The following SLC36A4 variants were observed in gnomAD, a reference collection of about 807,000 sequenced individuals.
The protein encoded by SLC36A4 is solute carrier family 36 member 4.
SLC36A4 carries 49 observed loss-of-function variants against 50.5 expected under a neutral mutation model. The ratio of observed to expected loss-of-function variants is 0.97; its 90% CI spans 0.77 to 1.23. The LOEUF (loss-of-function observed/expected upper bound fraction) is 1.23, where lower values mean the gene tolerates loss of function less well. Ranked by LOEUF, SLC36A4 falls within the 50% of genes most tolerant of loss-of-function variation. The pLI is 0.00. For missense variants in SLC36A4, 611 were observed against 608.4 expected, an observed-to-expected ratio of 1.00 and a Z score of -0.05; for synonymous variants, 207 against 206.5, an observed-to-expected ratio of 1.00 and a Z score of -0.02.
At chr11:93,165,397 T>A (rs1408046215) in intron 8 of SLC36A4, among the ~76,000 whole-genome samples, 1 of 152,136 alleles carries the variant, frequency 6.6e-6, no homozygotes, top group African/African-American at 2.4e-5. Context: ...ACACTGTTTC[T>A]CAAAACAAAC....
At chr11:93,186,707 T>G (rs968026919) in intron 1 of SLC36A4, among the ~76,000 whole-genome samples, 8 of 152,208 alleles carry the variant, frequency 5.3e-5, no homozygotes, top group Non-Finnish European at 1.2e-4. Context: ...CTTCAAATTA[T>G]GTCTCTACTC....
intron 6 of SLC36A4, among the ~76,000 whole-genome samples, chr11:93,173,881 G>A (rs1462387808): frequency 7.2e-6 from 1 of 139,070 alleles, no homozygotes; most frequent in Non-Finnish European, 1.5e-5. Context: ...CAGGTAGTGT[G>A]ATGCCTCCAG....
intron 1 of SLC36A4, among the ~76,000 whole-genome samples, chr11:93,188,906 C>CTCTGTT (rs1862098578): frequency 6.6e-6 from 1 of 152,092 alleles, no homozygotes; most frequent in South Asian, 2.1e-4. Context: ...GGAGGGAAAG[C>CTCTGTT]TCTGTTCCAG....
chr11:93,197,884 T>C lies in SLC36A4; in HGVS notation c.-52A>G, dbSNP rs749682086. 7.3e-6 allele frequency: 11 copies of C among 1,498,554 alleles called. No homozygotes were observed. Among genetic ancestry groups the C allele is most frequent in the South Asian group, 1.3e-5 (1 of 79,530 alleles). The allele number at this position is 1,498,554 out of a possible 1,614,324, so 92.8% of individuals were successfully genotyped here. On this transcript the variant is annotated 5_prime_UTR_variant, in exon 1 of 11. Coordinates refer to ENST00000326402, the MANE Select transcript of SLC36A4 (RefSeq NM_152313.4). Reference sequence around the variant, plus strand: ...GCCCGAGTGCTCACTCTCCCGCCGCTGCGTGGCCGGCGTCAGGCCCAGGCC... The same window carrying C: ...GCCCGAGTGCTCACTCTCCCGCCGCCGCGTGGCCGGCGTCAGGCCCAGGCC...
intron 1 of SLC36A4, among the ~76,000 whole-genome samples, chr11:93,195,214 A>C (rs1009099383): frequency 5.3e-5 from 8 of 151,684 alleles, no homozygotes; most frequent in African/African-American, 1.9e-4. Flanking sequence ...TCCAGCCCCC[A>C]CTTGAAGAGA....
intron 9 of SLC36A4, chr11:93,160,488 A>C (rs1508607): frequency 1.0e-6 from 1 of 985,070 alleles, no homozygotes; most frequent in South Asian, 4.7e-5. Context: ...GCAATTAGGA[A>C]TAAGGTCAGA....
At chr11:93,184,318 G>C in intron 3 of SLC36A4, 112 bp downstream of exon 3, 1 of 709,600 alleles carries the variant, frequency 1.4e-6, no homozygotes, top group Non-Finnish European at 2.5e-6. Context: ...ACATCTAAAT[G>C]ATCATCTAAA....
At chr11:93,163,551 C>T (rs940821974) in intron 8 of SLC36A4, among the ~76,000 whole-genome samples, 1 of 152,112 alleles carries the variant, frequency 6.6e-6, no homozygotes, top group African/African-American at 2.4e-5. Flanking sequence ...AGGTGAAGTG[C>T]CTGTCTCATC....
chr11:93,184,621 C>T lies in SLC36A4; in HGVS notation c.180-101G>A, dbSNP rs1187928232. 14 of 696,086 alleles carry T rather than the reference C, an allele frequency of 2.0e-5. No homozygotes were observed. The Admixed American group carries it at 2.7e-4, about 13-fold the overall frequency. The allele number at this position is 696,086 out of a possible 1,614,324, so 43.1% of individuals were successfully genotyped here. A position where few individuals can be genotyped will look rare whatever the true frequency, so the allele number is the denominator to read the frequency against. On this transcript the variant is annotated intron_variant, in intron 2 of 10. Coordinates refer to ENST00000326402, the MANE Select transcript of SLC36A4 (RefSeq NM_152313.4). Reference sequence around the variant, plus strand: ...GAAGGGAACTGAAAATTAATCTAGGCAAGGAACCAAATAACATTTCCATCC... The same window carrying T: ...GAAGGGAACTGAAAATTAATCTAGGTAAGGAACCAAATAACATTTCCATCC...
chr11:93,185,694 A>T lies in SLC36A4; in HGVS notation c.176T>A (p.Ile59Asn). Residue 59 changes from isoleucine (I) to asparagine (N), a missense_variant, in exon 2 of 11, where the codon ATT becomes AAT. Coordinates refer to ENST00000326402, the MANE Select transcript of SLC36A4 (RefSeq NM_152313.4). ...ACTTATAAACCATAACACTTACGAAATGCCCTCTTGATCATCAAGTTGGTA... is the reference window on the plus strand; with the variant it reads ...ACTTATAAACCATAACACTTACGAATTGCCCTCTTGATCATCAAGTTGGTA... ...KHYQLDDQEG[I>N]SFVQTLMHLL... 1 of 1,585,676 alleles carries T rather than the reference A, an allele frequency of 6.3e-7. No individual in the cohort carries two copies. The highest frequency in any genetic ancestry group is 8.5e-7 in the Non-Finnish European group (1 of 1,172,088).
In SLC36A4 at chr11:93,185,684, CACTT is replaced by C; in HGVS notation, c.179+3_179+6del. 4 of 1,578,682 alleles carry C rather than the reference CACTT, an allele frequency of 2.5e-6. No homozygotes were observed. The highest frequency in any genetic ancestry group is 3.4e-6 in the Non-Finnish European group (4 of 1,169,390). ...AGAAAAGGAGACTTATAAACCATAA[CACTT>C]ACGAAATGCCCTCTTGATCATCAAG... On this transcript the variant is annotated splice_donor_5th_base_variant and intron_variant, in intron 2 of 10. Transcript: ENST00000326402.
rs949496183 is a variant in SLC36A4, at chr11:93,165,904, G to A, written c.867+14C>T. On this transcript the variant is annotated intron_variant, in intron 8 of 10. Coordinates refer to ENST00000326402, the MANE Select transcript of SLC36A4 (RefSeq NM_152313.4). Reference sequence around the variant, plus strand: ...TAAGATTTTAAAAAATAATAATAAAGACTAAATTCTTACCACTCCTATGCC... The same window carrying A: ...TAAGATTTTAAAAAATAATAATAAAAACTAAATTCTTACCACTCCTATGCC... The A allele has an allele frequency of 4.7e-6, 7 of 1,494,336 alleles. No homozygotes were observed. Among genetic ancestry groups the A allele is most frequent in the Middle Eastern group, 3.5e-4 (2 of 5,752 alleles). 92.6% of individuals were successfully genotyped at this position (1,494,336 alleles called of 1,614,324 possible).
intron 9 of SLC36A4, 151 bp downstream of exon 9, chr11:93,162,555 C>T (rs1860671847): frequency 1.6e-6 from 1 of 620,296 alleles, no homozygotes; most frequent in African/African-American, 1.9e-5. Flanking sequence ...GTGATCCGCC[C>T]ACCTCTGCCT....
intron 9 of SLC36A4, among the ~76,000 whole-genome samples, chr11:93,159,484 C>T (rs566474873): frequency 1.9e-4 from 29 of 152,142 alleles, no homozygotes; most frequent in Non-Finnish European, 3.7e-4. Context: ...TGGTAAGGCA[C>T]TTTCCCTCTT....
At chr11:93,175,568 T>C (rs1861422153) in intron 6 of SLC36A4, among the ~76,000 whole-genome samples, 1 of 128,960 alleles carries the variant, frequency 7.8e-6, no homozygotes, top group Admixed American at 8.1e-5. Context: ...CTTTCCTGCT[T>C]TCTCTTGTGG....
chr11:93,166,162 G>A, intron 7 of SLC36A4, 146 bp from the exon 8 acceptor site: 1 of 1,289,648 alleles, frequency 7.8e-7, no homozygotes, highest in Non-Finnish European at 1.0e-6. Context: ...AACACTTAAA[G>A]CATCCTCTGT....
At chr11:93,187,131 GTTTCT>G (rs764411859) in intron 1 of SLC36A4, among the ~76,000 whole-genome samples, 17,068 of 152,130 alleles carry the variant, frequency 0.11, 1,262 homozygotes, top group Non-Finnish European at 0.16. Flanking sequence ...CATTCCTCGA[GTTTCT>G]TGAAAATGCT....
chr11:93,179,108 G>A (rs945394135), intron 6 of SLC36A4, among the ~76,000 whole-genome samples: 2 of 152,140 alleles, frequency 1.3e-5, no homozygotes, highest in African/African-American at 4.8e-5. Flanking sequence ...CCATCAATAC[G>A]GAAATCAAAC....
chr11:93,158,447 A>G (rs1860464325), intron 9 of SLC36A4, among the ~76,000 whole-genome samples: 1 of 152,104 alleles, frequency 6.6e-6, no homozygotes, highest in South Asian at 2.1e-4. Flanking sequence ...GGTTATTATT[A>G]ATATCGTTAA....
Sources: gnomAD v4.1 joint callset for allele counts (sites outside exome capture counted in the v4.1 genomes callset) on GRCh38, gnomAD v4.1.1 for gene constraint, MANE v1.5 for transcripts, NCBI Gene and HGNC (gene_info 2026-07-23, HGNC 2026-07-21) for gene names.